Variants in SLMAP observed in about 807,000 individuals in gnomAD.
SLMAP encodes sarcolemma associated protein.
A neutral mutation model predicts 128.8 loss-of-function variants in SLMAP; 44 were observed. The ratio of observed to expected loss-of-function variants is 0.34; its 90% confidence interval spans 0.27 to 0.44. SLMAP has a LOEUF of 0.44. Ranked by LOEUF, SLMAP falls within the 20% of genes least tolerant of loss-of-function variation. The pLI, the probability that SLMAP is intolerant of heterozygous loss-of-function variation, is 1.00. For missense variants in SLMAP, 787 were observed against 985.3 expected (o/e 0.80, Z 2.69); for synonymous variants, 327 against 348.8 (o/e 0.94, Z 0.70).
intron 2 of SLMAP, among the ~76,000 whole-genome samples, chr3:57,794,799 C>T (rs2086340135): frequency 6.6e-6 from 1 of 152,218 alleles, no homozygotes; most frequent in Admixed American, 6.5e-5. Context: ...GAGATAGCTA[C>T]CACATTTTAT....
chr3:57,844,671 A>T (rs779298751), intron 4 of SLMAP, among the ~76,000 whole-genome samples: 40 of 106,304 alleles, frequency 3.8e-4, no homozygotes, highest in Non-Finnish European at 7.5e-4. Context: ...AAGGTGAATT[A>T]AAAAAAAAAT....
chr3:57,822,334 A>G (rs1235461464), intron 2 of SLMAP, among the ~76,000 whole-genome samples: 2 of 152,220 alleles, frequency 1.3e-5, no homozygotes, highest in African/African-American at 4.8e-5. Context: ...TTAAATCTGC[A>G]ATAGCTGTGA....
At chr3:57,758,099 T>C (rs2077917789) in intron 2 of SLMAP, among the ~76,000 whole-genome samples, 1 of 152,196 alleles carries the variant, frequency 6.6e-6, no homozygotes, top group Admixed American at 6.5e-5. Context: ...ACGTGGTCAT[T>C]CCCAGTGAAA....
At chr3:57,887,130 C>T (rs979038059) in intron 14 of SLMAP, among the ~76,000 whole-genome samples, 1 of 151,676 alleles carries the variant, frequency 6.6e-6, no homozygotes, top group Non-Finnish European at 1.5e-5. Flanking sequence ...AATTTAAGAG[C>T]ACCAGGAATA....
Position 57,871,024 on chromosome 3 carries a change from A to G in SLMAP, c.1238-612A>G, listed in dbSNP as rs1278813058. 2.6e-5 allele frequency among the ~76,000 whole-genome samples: 4 copies of G among 152,198 alleles called. No individual in the cohort carries two copies. In the East Asian group the frequency reaches 7.7e-4, roughly 29 times the overall value. ...AATTCTGTTTGACTTGAGCAAAACC[A>G]TTTACCAAGCTCTTACTTTGAAATG... is the stretch of plus-strand genomic sequence containing the variant. On this transcript the variant is annotated intron_variant, in intron 13 of 24. Transcript: ENST00000671191.
intron 17 of SLMAP, 154 bp downstream of exon 17, chr3:57,897,086 G>A (rs2096262284): frequency 7.1e-7 from 1 of 1,399,428 alleles, no homozygotes; most frequent in Non-Finnish European, 9.3e-7. Flanking sequence ...TTAAAGTTTT[G>A]GTGTTTATAC....
At chr3:57,878,224 T>C (rs2095650123) in intron 14 of SLMAP, among the ~76,000 whole-genome samples, 2 of 152,204 alleles carry the variant, frequency 1.3e-5, no homozygotes, top group Admixed American at 1.3e-4. Flanking sequence ...AGAGTTACTT[T>C]AACTGATTAA....
chr3:57,906,675 ATATATATATAT>A (rs1231641855), intron 17 of SLMAP, among the ~76,000 whole-genome samples: 13 of 122,596 alleles, frequency 1.1e-4, no homozygotes, highest in African/African-American at 4.2e-4. Flanking sequence ...TGAAAAAAAA[ATATATATATAT>A]ATATATATAT....
intron 6 of SLMAP, among the ~76,000 whole-genome samples, chr3:57,855,752 ATTAGC>A (rs1488924621): frequency 6.6e-6 from 1 of 151,044 alleles, no homozygotes; most frequent in Non-Finnish European, 1.5e-5. Flanking sequence ...AAATAAAAAT[ATTAGC>A]TGGAGGTTGG....
At chr3:57,784,908 C>G (rs1234396519) in intron 2 of SLMAP, among the ~76,000 whole-genome samples, 1 of 152,074 alleles carries the variant, frequency 6.6e-6, no homozygotes, top group Non-Finnish European at 1.5e-5. Context: ...CTCTTGTGCT[C>G]TCTTACCCTT....
chr3:57,881,201 A>G (rs1467916530), intron 14 of SLMAP, among the ~76,000 whole-genome samples: 8 of 152,130 alleles, frequency 5.3e-5, no homozygotes, highest in Non-Finnish European at 1.0e-4. Context: ...CTCAAAAAAA[A>G]AAAGTTTTAA....
intron 4 of SLMAP, among the ~76,000 whole-genome samples, chr3:57,843,227 T>G (rs2094026870): frequency 1.3e-5 from 2 of 151,926 alleles, no homozygotes; most frequent in East Asian, 3.8e-4. Context: ...AAGCTGACTT[T>G]TTTCCTTCCT....
At position 57,896,494 on chromosome 3, in the gene SLMAP, T is replaced by C. The variant is rs768449821; in HGVS notation, c.1361-17T>C. The C allele has an allele frequency of 3.8e-6, 6 of 1,584,604 alleles. 1 individual carries two copies. In the South Asian group the frequency reaches 4.6e-5, roughly 12 times the overall value. ...TTTAACTGTAATAAGATTTTACTTTTATTTTTTTCTTGGTAGAAAATCAGA... is the reference window on the plus strand; with the variant it reads ...TTTAACTGTAATAAGATTTTACTTTCATTTTTTTCTTGGTAGAAAATCAGA... On this transcript the variant is annotated splice_polypyrimidine_tract_variant and intron_variant, in intron 15 of 24. Coordinates refer to ENST00000671191, the MANE Select transcript of SLMAP (RefSeq NM_001377540.1).
intron 2 of SLMAP, among the ~76,000 whole-genome samples, chr3:57,774,824 AACAG>A (rs1467053558): frequency 6.6e-6 from 1 of 152,090 alleles, no homozygotes; most frequent in African/African-American, 2.4e-5. Context: ...GCGCCCGGCC[AACAG>A]ACAATTATTT....
intron 9 of SLMAP, among the ~76,000 whole-genome samples, 163 bp downstream of exon 9, chr3:57,861,002 C>T (rs2095029630): frequency 6.6e-6 from 1 of 152,194 alleles, no homozygotes; most frequent in African/African-American, 2.4e-5. Flanking sequence ...GACAGCAATT[C>T]TCCATGTGAG....
At chr3:57,906,300 CT>C (rs112949836) in intron 17 of SLMAP, among the ~76,000 whole-genome samples, 2,605 of 70,978 alleles carry the variant, frequency 0.037, 73 homozygotes, top group African/African-American at 0.082. Context: ...AAATTTTTTT[CT>C]TTTTTTTTCT....
intron 2 of SLMAP, among the ~76,000 whole-genome samples, chr3:57,806,208 G>A (rs2089813447): frequency 6.6e-6 from 1 of 151,460 alleles, no homozygotes; most frequent in Non-Finnish European, 1.5e-5. Context: ...CCCTCCCTTC[G>A]CCCCCTGCCC....
At chr3:57,881,396 A>G (rs980198420) in intron 14 of SLMAP, among the ~76,000 whole-genome samples, 1 of 152,088 alleles carries the variant, frequency 6.6e-6, no homozygotes, top group Non-Finnish European at 1.5e-5. Flanking sequence ...CTCCCAAAGC[A>G]TTGAGGTCTC....
chr3:57,920,974 G>A (rs538256491), intron 22 of SLMAP, among the ~76,000 whole-genome samples: 2 of 151,920 alleles, frequency 1.3e-5, no homozygotes, highest in African/African-American at 2.4e-5. Flanking sequence ...CCAAGATCAC[G>A]CCACTGCACT....
Sources: allele counts gnomAD v4.1 joint callset (sites outside exome capture counted in the v4.1 genomes callset), GRCh38; gene constraint gnomAD v4.1.1; transcripts MANE v1.5; gene names NCBI Gene and HGNC (gene_info 2026-07-23, HGNC 2026-07-21).